TSPAN9: variants seen among roughly 807,000 people sequenced by gnomAD.
The protein encoded by TSPAN9 is tetraspanin-9.
In TSPAN9, 16 loss-of-function variants were observed where a neutral mutation model predicts 31.0. The observed-to-expected ratio is 0.52, with a 90% CI of 0.35 to 0.78. The LOEUF (loss-of-function observed/expected upper bound fraction) is 0.78, where lower values mean the gene tolerates loss of function less well. Ranked by LOEUF, TSPAN9 falls within the 30% of genes least tolerant of loss-of-function variation. The pLI is 0.01. For missense variants in TSPAN9, 272 were observed against 312.5 expected, an observed-to-expected ratio of 0.87 and a Z score of 0.98; for synonymous variants, 145 against 121.6, an observed-to-expected ratio of 1.19 and a Z score of -1.27.
At chr12:3,228,560 C>T (rs535070354) in intron 3 of TSPAN9, among the ~76,000 whole-genome samples, 33 of 152,314 alleles carry the variant, frequency 2.2e-4, no homozygotes, top group South Asian at 6.2e-4. Flanking sequence ...GAAAAAGGCC[C>T]CACTATTGGC....
intron 3 of TSPAN9, among the ~76,000 whole-genome samples, chr12:3,257,575 G>A (rs1446354398): frequency 6.6e-6 from 1 of 151,850 alleles, no homozygotes; most frequent in Non-Finnish European, 1.5e-5. Flanking sequence ...GAGACACTGT[G>A]GGAATAAATT....
intron 2 of TSPAN9, among the ~76,000 whole-genome samples, chr12:3,101,110 T>G (rs1245802523): frequency 1.3e-5 from 2 of 152,114 alleles, no homozygotes; most frequent in African/African-American, 2.4e-5. Context: ...GAAACTACAC[T>G]CCATAGGAAT....
Position 3,105,930 on chromosome 12 carries a change from C to A in TSPAN9, c.-18+22211C>A, listed in dbSNP as rs903159750. 3.3e-5 allele frequency among the ~76,000 whole-genome samples: 5 copies of A among 152,156 alleles called. No individual in the cohort carries two copies. In the East Asian group the frequency reaches 9.7e-4, roughly 29 times the overall value. On this transcript the variant is annotated intron_variant, in intron 2 of 8. Transcript: ENST00000011898. ...TGTTCTCAGGTGTGCTTGGTCCCAT[C>A]CACACTCATCACCGCCTCCCTTACC...
At chr12:3,133,400 T>A (rs1343908986) in intron 2 of TSPAN9, among the ~76,000 whole-genome samples, 1 of 151,368 alleles carries the variant, frequency 6.6e-6, no homozygotes, top group Non-Finnish European at 1.5e-5. Context: ...TTTTTTTTGC[T>A]GTAAAAAATA....
intron 3 of TSPAN9, among the ~76,000 whole-genome samples, chr12:3,220,048 G>A (rs2098383532): frequency 6.6e-6 from 1 of 151,804 alleles, no homozygotes; most frequent in African/African-American, 2.4e-5. Flanking sequence ...GGAAGGCTAA[G>A]GCAGGAGAAT....
chr12:3,155,173 A>C (rs1239980136), intron 2 of TSPAN9, among the ~76,000 whole-genome samples: 2 of 152,200 alleles, frequency 1.3e-5, no homozygotes, highest in African/African-American at 4.8e-5. Context: ...GTCTGGGGGT[A>C]CCAGCTTGTG....
At position 3,105,234 on chromosome 12, in the gene TSPAN9, AGG is replaced by A. The variant is rs2153964708; in HGVS notation, c.-18+21516_-18+21517del. ...TCAGTGCCCCGAGGCAGGCAGATGGAGGAGTGCGGCAGATGTGCCGTCCTCTC... is the reference window on the plus strand; with the variant it reads ...TCAGTGCCCCGAGGCAGGCAGATGGAAGTGCGGCAGATGTGCCGTCCTCTC... On this transcript the variant is annotated intron_variant, in intron 2 of 8. Coordinates refer to ENST00000011898, the MANE Select transcript of TSPAN9 (RefSeq NM_006675.5). Among the ~76,000 whole-genome samples the A allele has an allele frequency of 3.9e-5, 6 of 152,244 alleles. No homozygotes were observed. The South Asian group carries it at 1.2e-3, about 32-fold the overall frequency.
chr12:3,088,481 C>A (rs2098301968), intron 2 of TSPAN9, among the ~76,000 whole-genome samples: 1 of 152,180 alleles, frequency 6.6e-6, no homozygotes, highest in Non-Finnish European at 1.5e-5. Flanking sequence ...CTGGCTGTCA[C>A]CCATCATCCA....
intron 3 of TSPAN9, among the ~76,000 whole-genome samples, chr12:3,233,297 A>G (rs906944432): frequency 6.6e-6 from 1 of 152,248 alleles, no homozygotes; most frequent in Non-Finnish European, 1.5e-5. Flanking sequence ...AATACATGTA[A>G]GTTACAAAGT....
At chr12:3,201,001 G>A (rs1465345839) in intron 2 of TSPAN9, 176 bp from the exon 3 acceptor site, 6 of 601,198 alleles carry the variant, frequency 1.0e-5, no homozygotes, top group Non-Finnish European at 1.8e-5. Flanking sequence ...TTGCCAAGCC[G>A]TCCACCTCCG....
intron 2 of TSPAN9, among the ~76,000 whole-genome samples, chr12:3,152,537 C>T (rs1281746031): frequency 6.6e-6 from 1 of 152,218 alleles, no homozygotes; most frequent in Non-Finnish European, 1.5e-5. Flanking sequence ...GGGGAGAATG[C>T]TGGACTGGCT....
intron 2 of TSPAN9, among the ~76,000 whole-genome samples, chr12:3,090,537 C>CA (rs1307504113): frequency 6.6e-6 from 1 of 152,252 alleles, no homozygotes; most frequent in Non-Finnish European, 1.5e-5. Context: ...CAGGTGAAAA[C>CA]AGTCTACAAG....
At chr12:3,274,356 G>A (rs1862743669) in intron 3 of TSPAN9, among the ~76,000 whole-genome samples, 1 of 152,136 alleles carries the variant, frequency 6.6e-6, no homozygotes, top group Non-Finnish European at 1.5e-5. Context: ...AAAGGAAATT[G>A]GGCCTCCGAG....
At chr12:3,243,377 T>G (rs4765723) in intron 3 of TSPAN9, among the ~76,000 whole-genome samples, 46,141 of 152,022 alleles carry the variant, frequency 0.3, 7,593 homozygotes, top group African/African-American at 0.43. Flanking sequence ...GGCTCCTGTT[T>G]TAACTTATGT....
intron 2 of TSPAN9, among the ~76,000 whole-genome samples, chr12:3,118,116 A>G (rs2098323254): frequency 6.6e-6 from 1 of 152,062 alleles, no homozygotes; most frequent in African/African-American, 2.4e-5. Context: ...TCTAGTTCAC[A>G]AGGTTATTCA....
chr12:3,105,754 ACACGCACACACGCG>A (rs2098314073), intron 2 of TSPAN9, among the ~76,000 whole-genome samples: 1 of 91,508 alleles, frequency 1.1e-5, no homozygotes, highest in Admixed American at 1.4e-4. Flanking sequence ...ACACTCACAC[ACACGCACACACGCG>A]CACGCACACA....
chr12:3,142,608 A>G (rs1171338649), intron 2 of TSPAN9, among the ~76,000 whole-genome samples: 1 of 152,138 alleles, frequency 6.6e-6, no homozygotes, highest in East Asian at 1.9e-4. Flanking sequence ...TGAGACAGCA[A>G]AAGGCCACGT....
At chr12:3,245,317 A>G (rs617596) in intron 3 of TSPAN9, among the ~76,000 whole-genome samples, 144,971 of 152,280 alleles carry the variant, frequency 0.95, 69,193 homozygotes, top group East Asian at 1. Flanking sequence ...TGCCCAGGGG[A>G]TGCAGGAAGG....
In TSPAN9 at chr12:3,280,480, T is replaced by G; in HGVS notation, c.429T>G (p.Ala143=). Reference sequence around the variant, plus strand: ...AGAACGCCTGGAACATCATCCAGGCTGAGGTGCGGGCTGGGCCGCCCTGGT... The same window carrying G: ...AGAACGCCTGGAACATCATCCAGGCGGAGGTGCGGGCTGGGCCGCCCTGGT... ...GLKNAWNIIQ[A]EMRCCGVTDY... is the part of the protein sequence containing the mutation. The change falls in exon 6 of 9, where the codon GCT becomes GCG. Residue 143 remains alanine (A), a synonymous_variant. Coordinates refer to ENST00000011898, the MANE Select transcript of TSPAN9 (RefSeq NM_006675.5). This position sits in a 1 kb window ranked among gnomAD's most constrained non-coding sequence, Gnocchi z 4.5. The G allele has an allele frequency of 6.2e-7, 1 of 1,611,314 alleles. No homozygotes were observed. The highest frequency in any genetic ancestry group is 1.7e-4 in the Middle Eastern group (1 of 6,060).
Sources: allele counts gnomAD v4.1 joint callset (sites outside exome capture counted in the v4.1 genomes callset), GRCh38; gene constraint gnomAD v4.1.1; non-coding constraint Gnocchi (gnomAD v3.1); transcripts MANE v1.5; gene names NCBI Gene and HGNC (gene_info 2026-07-23, HGNC 2026-07-21).